The following GPC5 variants were observed in gnomAD, a reference collection of about 807,000 sequenced individuals.
The protein encoded by GPC5 is glypican 5.
In GPC5, 47 loss-of-function variants were observed where a neutral mutation model predicts 53.9. The observed-to-expected ratio is 0.87, with a 90% CI of 0.69 to 1.11. The LOEUF (loss-of-function observed/expected upper bound fraction) is 1.11, where lower values mean the gene tolerates loss of function less well. Ranked by LOEUF, GPC5 falls within the 50% of genes most tolerant of loss-of-function variation. GPC5 has a pLI of 0.00. For synonymous variants in GPC5, 286 were observed against 263.3 expected (o/e 1.09, Z -0.84); for missense variants, 748 against 713.1 (o/e 1.05, Z -0.56).
intron 7 of GPC5, among the ~76,000 whole-genome samples, chr13:92,286,466 C>G (rs1403846667): frequency 6.6e-6 from 1 of 152,060 alleles, no homozygotes; most frequent in Non-Finnish European, 1.5e-5. Flanking sequence ...TTCACAATAG[C>G]AAAGACTTGG....
intron 7 of GPC5, among the ~76,000 whole-genome samples, chr13:92,472,452 C>T (rs1232745931): frequency 6.6e-6 from 1 of 152,016 alleles, no homozygotes; most frequent in African/African-American, 2.4e-5. Context: ...AATAAGTATC[C>T]AGACCCTTTC....
At chr13:91,824,900 A>G (rs2038552265) in intron 5 of GPC5, among the ~76,000 whole-genome samples, 1 of 152,128 alleles carries the variant, frequency 6.6e-6, no homozygotes. Context: ...GAAATATTAC[A>G]TTTAATTCTG....
At chr13:92,785,713 G>A (rs1427757264) in intron 7 of GPC5, among the ~76,000 whole-genome samples, 1 of 152,210 alleles carries the variant, frequency 6.6e-6, no homozygotes, top group Non-Finnish European at 1.5e-5. Flanking sequence ...TCTAGGATAT[G>A]GTGGCTAAGA....
At chr13:92,093,946 A>G (rs2041400761) in intron 6 of GPC5, among the ~76,000 whole-genome samples, 1 of 152,252 alleles carries the variant, frequency 6.6e-6, no homozygotes, top group South Asian at 2.1e-4. Context: ...AATATGTCAT[A>G]AAAATAGTAA....
chr13:92,691,990 T>G (rs1275735490), intron 7 of GPC5, among the ~76,000 whole-genome samples: 2 of 152,158 alleles, frequency 1.3e-5, no homozygotes, highest in Non-Finnish European at 2.9e-5. Context: ...GTGAGCATAA[T>G]ATGGAACAGT....
rs142640259 is a variant in GPC5 at position 92,122,249 on chromosome 13, G to A, written c.1402-22581G>A. 4.6e-3 allele frequency among the ~76,000 whole-genome samples: 693 copies of A among 150,424 alleles called. 5 individuals are homozygous for A. The highest frequency in any genetic ancestry group is 0.016 in the African/African-American group (672 of 40,892). ...CAATTTACCTTGGGCTCTCAGTGAC[G>A]TTTTTATGGGTTTTAAAACACAGCG... On this transcript the variant is annotated intron_variant, in intron 6 of 7. Transcript: ENST00000377067.
intron 6 of GPC5, among the ~76,000 whole-genome samples, chr13:92,009,097 T>G (rs978574741): frequency 3.9e-5 from 6 of 152,212 alleles, no homozygotes; most frequent in East Asian, 1.9e-4. Context: ...TATAACAGCT[T>G]TTATTTTATA....
intron 7 of GPC5, among the ~76,000 whole-genome samples, chr13:92,185,482 C>CT (rs2042177400): frequency 6.6e-6 from 1 of 152,072 alleles, no homozygotes; most frequent in Admixed American, 6.6e-5. Context: ...ATTTTACTCT[C>CT]ATTAAAGTCA....
chr13:92,764,923 C>CA (rs201376540), intron 7 of GPC5, among the ~76,000 whole-genome samples: 123 of 150,472 alleles, frequency 8.2e-4, no homozygotes, highest in African/African-American at 2.6e-3. Flanking sequence ...CATTTCTAAG[C>CA]AAAAAAAAGG....
At chr13:92,847,910 T>G (rs1431031570) in intron 7 of GPC5, among the ~76,000 whole-genome samples, 1 of 152,170 alleles carries the variant, frequency 6.6e-6, no homozygotes, top group African/African-American at 2.4e-5. Context: ...TAATAATTAT[T>G]TGATAATAGA....
At chr13:91,536,151 G>A (rs570084272) in intron 2 of GPC5, among the ~76,000 whole-genome samples, 1 of 152,234 alleles carries the variant, frequency 6.6e-6, no homozygotes, top group African/African-American at 2.4e-5. Context: ...TATGGTATCA[G>A]TCTAATGTTG....
chr13:92,436,876 A>G (rs908690846), intron 7 of GPC5, among the ~76,000 whole-genome samples: 14 of 152,340 alleles, frequency 9.2e-5, no homozygotes, highest in Non-Finnish European at 1.5e-4. Flanking sequence ...CTGTAAAAAC[A>G]TAAATGAATC....
chr13:92,000,260 A>T (rs1207583066), intron 6 of GPC5, among the ~76,000 whole-genome samples: 2 of 151,514 alleles, frequency 1.3e-5, no homozygotes, highest in Non-Finnish European at 2.9e-5. Flanking sequence ...TGGTGTGCAT[A>T]TTTTTTTTAT....
chr13:92,227,796 G>T (rs1269744864), intron 7 of GPC5, among the ~76,000 whole-genome samples: 1 of 151,834 alleles, frequency 6.6e-6, no homozygotes, highest in Admixed American at 6.6e-5. Context: ...TACTTATGAG[G>T]GGCATGTGAT....
intron 7 of GPC5, among the ~76,000 whole-genome samples, chr13:92,774,676 A>T (rs1875735526): frequency 6.6e-6 from 1 of 152,240 alleles, no homozygotes; most frequent in Admixed American, 6.5e-5. Flanking sequence ...TCAGCACAGA[A>T]AAAATGAAAG....
At chr13:91,761,848 A>G (rs1181973680) in intron 5 of GPC5, among the ~76,000 whole-genome samples, 2 of 152,106 alleles carry the variant, frequency 1.3e-5, no homozygotes, top group African/African-American at 4.8e-5. Flanking sequence ...TTGGTGATCA[A>G]CTTGACCTTC....
intron 7 of GPC5, among the ~76,000 whole-genome samples, chr13:92,239,025 G>A (rs942832546): frequency 6.6e-6 from 1 of 151,126 alleles, no homozygotes; most frequent in African/African-American, 2.4e-5. Flanking sequence ...AATTATCTTA[G>A]CACCTTGTTG....
At chr13:92,257,555 T>TTTTTTTTTTTTTTTTTTTTTTTTG (rs2042736031) in intron 7 of GPC5, among the ~76,000 whole-genome samples, 1 of 130,342 alleles carries the variant, frequency 7.7e-6, no homozygotes, top group Non-Finnish European at 1.6e-5. Context: ...GATTTTTTTT[T>TTTTTTTTTTTTTTTTTTTTTTTTG]TTTTTTTTTT....
intron 7 of GPC5, among the ~76,000 whole-genome samples, chr13:92,599,579 A>G (rs1304808912): frequency 2.6e-5 from 4 of 152,214 alleles, no homozygotes; most frequent in African/African-American, 4.8e-5. Flanking sequence ...CATATTAATG[A>G]GTTTGGAATT....
Sources: allele counts gnomAD v4.1 joint callset (sites outside exome capture counted in the v4.1 genomes callset), GRCh38; gene constraint gnomAD v4.1.1; transcripts MANE v1.5; gene names NCBI Gene and HGNC (gene_info 2026-07-23, HGNC 2026-07-21).